Variants in RASGRP3 observed in about 807,000 individuals in gnomAD.
The protein encoded by RASGRP3 is ras guanyl-releasing protein 3.
In RASGRP3, 54 loss-of-function variants were observed where a neutral mutation model predicts 82.7. The observed-to-expected ratio is 0.65, with a 90% CI of 0.52 to 0.82. RASGRP3 has a LOEUF of 0.82. Among genes scored for constraint, RASGRP3 ranks in the 40% least tolerant of loss-of-function variants. The probability of loss-of-function intolerance (pLI) is 0.00; values close to 1 mark genes in which losing one functional copy is unlikely to be tolerated. For missense variants in RASGRP3, 861 were observed against 828.9 expected (o/e 1.04, Z -0.48); for synonymous variants, 309 against 300.5 (o/e 1.03, Z -0.29).
intron 13 of RASGRP3, among the ~76,000 whole-genome samples, chr2:33,546,828 G>A (rs1364539520): frequency 6.6e-6 from 1 of 152,198 alleles, no homozygotes; most frequent in Non-Finnish European, 1.5e-5. Context: ...AGCACTTTGG[G>A]AGGCTGAGGC....
At chr2:33,560,867 C>T (rs539429088) in intron 17 of RASGRP3, among the ~76,000 whole-genome samples, 64 of 152,338 alleles carry the variant, frequency 4.2e-4, no homozygotes, top group African/African-American at 1.4e-3. Flanking sequence ...TACTTAAAAA[C>T]TGTGCTTCTG....
chr2:33,472,239 A>G (rs917946617), upstream of RASGRP3, among the ~76,000 whole-genome samples: 4 of 152,202 alleles, frequency 2.6e-5, no homozygotes, highest in Non-Finnish European at 5.9e-5. Flanking sequence ...TTAGATTGGT[A>G]AAGTTTGGAT....
At chr2:33,497,802 T>C (rs1669466441) in intron 1 of RASGRP3, among the ~76,000 whole-genome samples, 1 of 152,222 alleles carries the variant, frequency 6.6e-6, no homozygotes, top group African/African-American at 2.4e-5. Flanking sequence ...TTGGGTGGTA[T>C]GCCCAGAGAC....
At chr2:33,488,284 A>G (rs1212353445) in intron 1 of RASGRP3, among the ~76,000 whole-genome samples, 1 of 152,240 alleles carries the variant, frequency 6.6e-6, no homozygotes, top group African/African-American at 2.4e-5. Context: ...TGACACCTAG[A>G]AATGCAAGCT....
At chr2:33,497,366 C>A (rs1669423741) in intron 1 of RASGRP3, among the ~76,000 whole-genome samples, 1 of 152,086 alleles carries the variant, frequency 6.6e-6, no homozygotes, top group Non-Finnish European at 1.5e-5. Context: ...TTGTGAAATC[C>A]CCACAAATTA....
intron 1 of RASGRP3, among the ~76,000 whole-genome samples, chr2:33,478,013 C>T (rs115983961): frequency 0.017 from 2,586 of 152,248 alleles, 27 homozygotes; most frequent in Non-Finnish European, 0.027. Context: ...CTGCCCCCTG[C>T]CATGAGGGAA....
chr2:33,558,117 G>C (rs777543087), intron 15 of RASGRP3, 94 bp from the exon 16 acceptor site: 5 of 1,466,074 alleles, frequency 3.4e-6, no homozygotes, highest in East Asian at 2.4e-5. Flanking sequence ...AAACTGGGGT[G>C]GGGGAGGGGA....
At chr2:33,552,239 C>T (rs1325033916) in intron 14 of RASGRP3, among the ~76,000 whole-genome samples, 1 of 152,172 alleles carries the variant, frequency 6.6e-6, no homozygotes, top group Non-Finnish European at 1.5e-5. Context: ...GTCTGGAACC[C>T]TGGGTTAAAG....
At chr2:33,490,212 C>T (rs555573484) in intron 1 of RASGRP3, among the ~76,000 whole-genome samples, 1 of 152,296 alleles carries the variant, frequency 6.6e-6, no homozygotes, top group South Asian at 2.1e-4. Flanking sequence ...ATCAGTGCAT[C>T]GGTCTGCTTC....
At chr2:33,538,934 G>A (rs1020312186) in intron 11 of RASGRP3, among the ~76,000 whole-genome samples, 160 bp from the exon 12 acceptor site, 4 of 152,162 alleles carry the variant, frequency 2.6e-5, no homozygotes, top group Admixed American at 2.6e-4. Context: ...AGATACTTGG[G>A]AGGCTGAGGT....
At chr2:33,538,257 C>T (rs1673851602) in intron 11 of RASGRP3, among the ~76,000 whole-genome samples, 1 of 152,144 alleles carries the variant, frequency 6.6e-6, no homozygotes, top group Non-Finnish European at 1.5e-5. Context: ...AATCCCAGCA[C>T]TTTGGGAGGC....
At chr2:33,446,940 G>T (rs1179122238) in intron 1 of RASGRP3, among the ~76,000 whole-genome samples, 1 of 151,876 alleles carries the variant, frequency 6.6e-6, no homozygotes, top group Non-Finnish European at 1.5e-5. Context: ...TCAGGAGATG[G>T]AAACCATCCT....
upstream of RASGRP3, among the ~76,000 whole-genome samples, chr2:33,472,775 T>C (rs1667133111): frequency 6.9e-6 from 1 of 144,866 alleles, no homozygotes; most frequent in South Asian, 2.2e-4. Flanking sequence ...GCCAACATGG[T>C]GAAACCCCGT....
At chr2:33,444,641 C>T (rs1665409166) in intron 1 of RASGRP3, among the ~76,000 whole-genome samples, 1 of 152,172 alleles carries the variant, frequency 6.6e-6, no homozygotes, top group South Asian at 2.1e-4. Context: ...CATTCTGAAA[C>T]ATTTGAGCTG....
intron 1 of RASGRP3, among the ~76,000 whole-genome samples, chr2:33,484,521 G>A (rs911515982): frequency 2.6e-5 from 4 of 151,688 alleles, no homozygotes; most frequent in African/African-American, 7.3e-5. Flanking sequence ...GAGTTGACAC[G>A]ATGCTTTAGA....
intron 10 of RASGRP3, chr2:33,534,034 A>G: frequency 2.8e-6 from 1 of 361,824 alleles, no homozygotes; most frequent in East Asian, 4.6e-5. Context: ...GCCTGGAAAC[A>G]TCACATATCC....
chr2:33,494,407 G>C (rs181509358), intron 1 of RASGRP3, among the ~76,000 whole-genome samples: 1 of 152,126 alleles, frequency 6.6e-6, no homozygotes, highest in Non-Finnish European at 1.5e-5. Context: ...GTAGAGTACC[G>C]GTTCAACTTG....
At chr2:33,510,079 CATGAAGGATTAGTCATT>C (rs1670790549) in intron 1 of RASGRP3, among the ~76,000 whole-genome samples, 1 of 152,186 alleles carries the variant, frequency 6.6e-6, no homozygotes, top group South Asian at 2.1e-4. Context: ...CACTTGTATT[CATGAAGGATTAGTCATT>C]TAGAGAAACC....
intron 1 of RASGRP3, among the ~76,000 whole-genome samples, chr2:33,502,195 C>A (rs1273685448): frequency 6.6e-6 from 1 of 152,004 alleles, no homozygotes; most frequent in Admixed American, 6.5e-5. Context: ...AGGGGAGTTA[C>A]AAGCTAGAGG....
Sources: allele counts gnomAD v4.1 joint callset (sites outside exome capture counted in the v4.1 genomes callset), GRCh38; gene constraint gnomAD v4.1.1; transcripts MANE v1.5; gene names NCBI Gene and HGNC (gene_info 2026-07-23, HGNC 2026-07-21).